Variants in ZPBP observed in about 807,000 individuals in gnomAD.
ZPBP encodes zona pellucida binding protein.
ZPBP carries 26 observed loss-of-function variants against 44.8 expected under a neutral mutation model. That is an observed-to-expected ratio of 0.58 (90% CI 0.43 to 0.81). The LOEUF (loss-of-function observed/expected upper bound fraction) is 0.81, where lower values mean the gene tolerates loss of function less well. Ranked by LOEUF, ZPBP falls within the 30% of genes least tolerant of loss-of-function variation. The pLI is 0.00. For missense variants in ZPBP, 409 were observed against 434.0 expected (o/e 0.94, Z 0.51); for synonymous variants, 174 against 153.2 (o/e 1.14, Z -1.00).
intron 7 of ZPBP, among the ~76,000 whole-genome samples, chr7:49,977,101 CTAA>C (rs1357796453): frequency 7.2e-6 from 1 of 138,506 alleles, no homozygotes; most frequent in East Asian, 2.1e-4. Context: ...GACTCCGTCT[CTAA>C]ATAAATAAAT....
chr7:49,848,666 C>T (rs187266376), downstream of ZPBP, among the ~76,000 whole-genome samples: 4 of 152,210 alleles, frequency 2.6e-5, no homozygotes, highest in African/African-American at 7.2e-5. Context: ...CATTGACTGT[C>T]GTTTCTCACC....
intron 7 of ZPBP, among the ~76,000 whole-genome samples, chr7:49,974,966 G>A (rs1307617406): frequency 7.0e-6 from 1 of 142,846 alleles, no homozygotes; most frequent in African/African-American, 2.6e-5. Flanking sequence ...ACAGCCTAGT[G>A]AGCAGTTGTG....
intron 7 of ZPBP, among the ~76,000 whole-genome samples, chr7:49,960,124 T>C (rs1368976156): frequency 1.3e-5 from 2 of 151,932 alleles, no homozygotes; most frequent in African/African-American, 4.8e-5. Flanking sequence ...CAAAATGCTA[T>C]TAAAAAACAC....
chr7:50,014,422 A>G (rs1383939804), intron 6 of ZPBP, among the ~76,000 whole-genome samples: 1 of 151,800 alleles, frequency 6.6e-6, no homozygotes, highest in Non-Finnish European at 1.5e-5. Context: ...GGTACACTTA[A>G]GAAATATATT....
rs1388867646 is a variant in ZPBP at position 49,855,504 on chromosome 7, G to A, written n.510-4990C>T. On this transcript the variant is annotated intron_variant and non_coding_transcript_variant, in intron 2 of 2. Coordinates refer to the ZPBP transcript ENST00000465922. ...ATTTCCCAGGTGAAAGAGGACAGAT[G>A]TTGTGGAGAGAGGTAAGGAAGGCTC... Among the ~76,000 whole-genome samples, 4 of 152,338 alleles carry A rather than the reference G, an allele frequency of 2.6e-5. No individual in the cohort carries two copies. In the East Asian group the frequency reaches 7.7e-4, roughly 29 times the overall value.
At chr7:50,046,672 T>C (rs916376026) in intron 4 of ZPBP, among the ~76,000 whole-genome samples, 2 of 152,030 alleles carry the variant, frequency 1.3e-5, no homozygotes, top group African/African-American at 2.4e-5. Flanking sequence ...TATGGAGAAA[T>C]AGGAACACTT....
intron 2 of ZPBP, among the ~76,000 whole-genome samples, chr7:49,891,851 T>C (rs1792141653): frequency 6.6e-6 from 1 of 152,150 alleles, no homozygotes; most frequent in African/African-American, 2.4e-5. Context: ...GCTACCACTA[T>C]AGTACTCTAA....
At chr7:49,968,013 T>G (rs1031594262) in intron 7 of ZPBP, among the ~76,000 whole-genome samples, 5 of 152,136 alleles carry the variant, frequency 3.3e-5, no homozygotes, top group African/African-American at 1.2e-4. Flanking sequence ...TATAATATAC[T>G]TAAATATAAG....
intron 3 of ZPBP, among the ~76,000 whole-genome samples, chr7:50,061,311 G>A (rs117813069): frequency 0.03 from 4,538 of 152,238 alleles, 88 homozygotes; most frequent in Middle Eastern, 0.054. Flanking sequence ...GTTCAAACCA[G>A]GGCATCAGGC....
At chr7:49,896,756 G>A (rs186211336) in intron 2 of ZPBP, among the ~76,000 whole-genome samples, 15 of 151,754 alleles carry the variant, frequency 9.9e-5, no homozygotes, top group African/African-American at 3.4e-4. Context: ...TATTATCAGC[G>A]ACTCTATGCA....
chr7:49,849,897 A>C (rs533721420), downstream of ZPBP, among the ~76,000 whole-genome samples: 98 of 152,342 alleles, frequency 6.4e-4, 5 homozygotes, highest in Non-Finnish European at 3.8e-4. Flanking sequence ...GACTGAGCAC[A>C]GTACCATAGC....
chr7:49,937,449 G>T lies in ZPBP; in HGVS notation c.*79C>A. The T allele has an allele frequency of 9.5e-7, 1 of 1,055,522 alleles. No homozygotes were observed. Among genetic ancestry groups the T allele is most frequent in the South Asian group, 1.3e-5 (1 of 75,600 alleles). 65.4% of individuals were successfully genotyped at this position (1,055,522 alleles called of 1,614,324 possible). A position where few individuals can be genotyped will look rare whatever the true frequency, so the allele number is the denominator to read the frequency against. ...TTTTTTGTAAAATATGATTAATTTT[G>T]GCATAATAATTTATTATGTTAATAT... On this transcript the variant is annotated 3_prime_UTR_variant, in exon 8 of 8. Transcript: ENST00000046087.
intron 2 of ZPBP, among the ~76,000 whole-genome samples, chr7:49,867,205 GA>G (rs2128722091): frequency 6.6e-6 from 1 of 152,282 alleles, no homozygotes; most frequent in African/African-American, 2.4e-5. Flanking sequence ...TAAAGAGATC[GA>G]AACTTTGTCC....
chr7:49,913,657 G>A (rs1470856961), intron 1 of ZPBP: 5 of 152,110 alleles, frequency 3.3e-5, no homozygotes. Context: ...TCGGTCTCTG[G>A]CATAAGAAGT....
chr7:49,974,718 G>T (rs191704045), intron 7 of ZPBP, among the ~76,000 whole-genome samples: 22 of 72,300 alleles, frequency 3.0e-4, no homozygotes, highest in African/African-American at 1.2e-3. Context: ...GCTAAAGTTA[G>T]TTCATCATCT....
chr7:50,060,667 T>C (rs1562597181), intron 3 of ZPBP, among the ~76,000 whole-genome samples: 1 of 151,998 alleles, frequency 6.6e-6, no homozygotes, highest in Non-Finnish European at 1.5e-5. Context: ...GAAACCATAA[T>C]CAAAAACCTA....
chr7:49,999,313 G>T (rs947584958), intron 6 of ZPBP, among the ~76,000 whole-genome samples: 1 of 151,042 alleles, frequency 6.6e-6, no homozygotes, highest in African/African-American at 2.4e-5. Flanking sequence ...TAATGTGGTG[G>T]TGTTATAATT....
intron 4 of ZPBP, among the ~76,000 whole-genome samples, chr7:50,034,936 T>C (rs1335996605): frequency 6.6e-6 from 1 of 152,212 alleles, no homozygotes; most frequent in Non-Finnish European, 1.5e-5. Context: ...TATTGAGGAT[T>C]GTAAGGTTAA....
chr7:49,855,761 C>G (rs1790392886), intron 2 of ZPBP, among the ~76,000 whole-genome samples: 1 of 152,162 alleles, frequency 6.6e-6, no homozygotes, highest in Non-Finnish European at 1.5e-5. Context: ...GTCCCTGCCT[C>G]CCCAGAAGCC....
Sources: gnomAD v4.1 joint callset for allele counts (sites outside exome capture counted in the v4.1 genomes callset) on GRCh38, gnomAD v4.1.1 for gene constraint, MANE v1.5 for transcripts, NCBI Gene and HGNC (gene_info 2026-07-23, HGNC 2026-07-21) for gene names.